Variants in ENPP6 observed in about 807,000 individuals in gnomAD.
ENPP6 encodes glycerophosphocholine cholinephosphodiesterase ENPP6.
A neutral mutation model predicts 42.0 loss-of-function variants in ENPP6; 32 were observed. The ratio of observed to expected loss-of-function variants is 0.76; its 90% CI spans 0.58 to 1.02. The LOEUF is 1.02. Among genes scored for constraint, ENPP6 ranks in the 50% least tolerant of loss-of-function variants. The pLI is 0.00. For synonymous variants in ENPP6, 213 were observed against 216.0 expected, an observed-to-expected ratio of 0.99 and a Z score of 0.12; for missense variants, 552 against 566.8, an observed-to-expected ratio of 0.97 and a Z score of 0.27.
At chr4:184,195,290 T>A (rs887741096) in intron 1 of ENPP6, among the ~76,000 whole-genome samples, 1 of 152,128 alleles carries the variant, frequency 6.6e-6, no homozygotes, top group Admixed American at 6.5e-5. Context: ...CACCCTCCGC[T>A]GTCCGATAGG....
intron 5 of ENPP6, among the ~76,000 whole-genome samples, chr4:184,114,099 G>A (rs1736275475): frequency 6.6e-6 from 1 of 152,060 alleles, no homozygotes; most frequent in South Asian, 2.1e-4. Context: ...CCAAGTAGCT[G>A]GAACTACAGG....
rs1463410781 is a variant in ENPP6 at position 184,184,865 on chromosome 4, C to T, written c.242-31132G>A. 2.0e-5 allele frequency among the ~76,000 whole-genome samples: 3 copies of T among 151,748 alleles called. No individual in the cohort carries two copies. The highest frequency in any genetic ancestry group is 1.9e-4 in the East Asian group (1 of 5,156). On this transcript the variant is annotated intron_variant, in intron 1 of 7. Coordinates refer to ENST00000296741, the MANE Select transcript of ENPP6 (RefSeq NM_153343.4). The surrounding 1 kb of genome is among the most constrained non-coding windows in gnomAD (Gnocchi z 4.7). ...TTCTTGCCTCGAGAACCATGGCAGTCGATTCCTGTTGTCTGAGCCACCCAG... is the reference window on the plus strand; with the variant it reads ...TTCTTGCCTCGAGAACCATGGCAGTTGATTCCTGTTGTCTGAGCCACCCAG...
At chr4:184,097,540 C>T (rs868225666) in intron 6 of ENPP6, among the ~76,000 whole-genome samples, 172 bp from the exon 7 acceptor site, 40 of 152,286 alleles carry the variant, frequency 2.6e-4, no homozygotes, top group Middle Eastern at 6.8e-3. Context: ...GCTCAGACCT[C>T]GGGCAGCAGC....
Position 184,111,164 on chromosome 4 carries a change from C to T in ENPP6, c.993+1508G>A, listed in dbSNP as rs190101762. Among the ~76,000 whole-genome samples, 31 of 152,280 alleles carry T rather than the reference C, an allele frequency of 2.0e-4. 1 individual carries two copies. In the East Asian group the frequency reaches 5.4e-3, roughly 27 times the overall value. On this transcript the variant is annotated intron_variant, in intron 6 of 7. Transcript: ENST00000296741. ...ACTTCTGCGCTCTTATACTCTCCCT[C>T]CCTACCACCCAGCCTCTCAGCACGG...
chr4:184,133,846 A>G (rs1316033795), intron 2 of ENPP6, among the ~76,000 whole-genome samples: 2 of 150,448 alleles, frequency 1.3e-5, no homozygotes, highest in East Asian at 1.9e-4. Context: ...CTTTCATTCT[A>G]TTACTGTTGT....
At chr4:184,120,577 C>A (rs1457572445) in intron 3 of ENPP6, among the ~76,000 whole-genome samples, 1 of 152,232 alleles carries the variant, frequency 6.6e-6, no homozygotes, top group Non-Finnish European at 1.5e-5. Flanking sequence ...TAGCACCATG[C>A]ACCTTTTCCT....
intron 6 of ENPP6, among the ~76,000 whole-genome samples, chr4:184,109,881 A>T (rs988891637): frequency 6.6e-6 from 1 of 152,154 alleles, no homozygotes. Context: ...GTCAATGCAT[A>T]CAAAAGTAAT....
chr4:184,139,529 G>C (rs533116314), intron 2 of ENPP6, among the ~76,000 whole-genome samples: 4,062 of 127,872 alleles, frequency 0.032, 212 homozygotes, highest in African/African-American at 0.11. Context: ...ACAATAGTCC[G>C]CAGAGTGTGA....
At chr4:184,206,296 C>T (rs867986094) in intron 1 of ENPP6, among the ~76,000 whole-genome samples, 43 of 110,830 alleles carry the variant, frequency 3.9e-4, no homozygotes, top group Non-Finnish European at 4.3e-4. Flanking sequence ...CTCGCTCTGT[C>T]GCCCAGGCTG....
In ENPP6 at chr4:184,194,869, G is replaced by A. The variant is rs964153874; in HGVS notation, c.241+22710C>T. On this transcript the variant is annotated intron_variant, in intron 1 of 7. Coordinates refer to ENST00000296741, the MANE Select transcript of ENPP6 (RefSeq NM_153343.4). ...GGCGTTTGGTGGGAACGAGTATGGA[G>A]CAATGACCAGTGCTGCTGCCCCAAC... Among the ~76,000 whole-genome samples, 136 of 152,148 alleles carry A rather than the reference G, an allele frequency of 8.9e-4. 1 individual carries two copies. The highest frequency in any genetic ancestry group is 3.1e-3 in the African/African-American group (130 of 41,408).
In ENPP6 at chr4:184,088,785, C is replaced by A. The variant is rs1735735153; in HGVS notation, c.*2392G>T. The A allele has an allele frequency of 6.6e-6, 1 of 152,092 alleles. No individual in the cohort carries two copies. The highest frequency in any genetic ancestry group is 2.1e-4 in the South Asian group (1 of 4,828). The allele number at this position is 152,092 out of a possible 1,614,324, so 9.4% of individuals were successfully genotyped here. The stretch of plus-strand genomic sequence containing the variant: ...TATTGTTTACCAGGATTCATGATTC[C>A]TTTTGTAACTTGTTCTCAGTCATTT... On this transcript the variant is annotated 3_prime_UTR_variant, in exon 8 of 8. Transcript: ENST00000296741.
chr4:184,122,069 T>C (rs1033216568), intron 3 of ENPP6, among the ~76,000 whole-genome samples: 1 of 152,228 alleles, frequency 6.6e-6, no homozygotes, highest in African/African-American at 2.4e-5. Flanking sequence ...GGTCTCCATC[T>C]TTCCACCTAC....
chr4:184,147,587 C>T (rs547443228), intron 2 of ENPP6, among the ~76,000 whole-genome samples: 26 of 152,208 alleles, frequency 1.7e-4, no homozygotes, highest in Middle Eastern at 3.4e-3. Flanking sequence ...CGAGACCAGA[C>T]TGGGCAACAT....
chr4:184,194,045 C>T (rs569289223), intron 1 of ENPP6, among the ~76,000 whole-genome samples: 1 of 152,262 alleles, frequency 6.6e-6, no homozygotes, highest in African/African-American at 2.4e-5. Flanking sequence ...TCCTTGTCTC[C>T]TTTGATACCT....
chr4:184,119,312 G>GGTGT (rs6148837), intron 3 of ENPP6, among the ~76,000 whole-genome samples: 1 of 144,050 alleles, frequency 6.9e-6, no homozygotes, highest in Admixed American at 6.9e-5. Context: ...TCTGTTTCTT[G>GGTGT]GTGTGTGTGT....
intron 1 of ENPP6, among the ~76,000 whole-genome samples, chr4:184,215,009 A>G (rs920008483): frequency 1.3e-5 from 2 of 152,216 alleles, no homozygotes; most frequent in African/African-American, 4.8e-5. Flanking sequence ...AAAATAAAAT[A>G]AAATTCCCCA....
In ENPP6 at chr4:184,171,154, A is replaced by G. The variant is rs910781007; in HGVS notation, c.242-17421T>C. On this transcript the variant is annotated intron_variant, in intron 1 of 7. Transcript: ENST00000296741. ...CTCTCTGCTGGACGCAGCACCAGCA[A>G]GGGCAGCTCAGAGGCTGGGGTAACC... Among the ~76,000 whole-genome samples the G allele has an allele frequency of 9.2e-5, 14 of 152,340 alleles. No individual in the cohort carries two copies. In the South Asian group the frequency reaches 1.7e-3, roughly 18 times the overall value.
At chr4:184,150,174 G>A (rs539488949) in intron 2 of ENPP6, among the ~76,000 whole-genome samples, 33 of 152,134 alleles carry the variant, frequency 2.2e-4, no homozygotes, top group Non-Finnish European at 3.1e-4. Flanking sequence ...GCAACACTGG[G>A]TGGCGTGCTA....
At chr4:184,203,712 C>T (rs930461295) in intron 1 of ENPP6, among the ~76,000 whole-genome samples, 6 of 152,144 alleles carry the variant, frequency 3.9e-5, no homozygotes, top group Admixed American at 1.3e-4. Context: ...CGGCCCTGCC[C>T]GCACCTGGAT....
Sources: gnomAD v4.1 joint callset for allele counts (sites outside exome capture counted in the v4.1 genomes callset) on GRCh38, gnomAD v4.1.1 for gene constraint, Gnocchi (gnomAD v3.1) non-coding constraint, MANE v1.5 for transcripts, NCBI Gene and HGNC (gene_info 2026-07-23, HGNC 2026-07-21) for gene names.